SYT14: variants seen among roughly 807,000 people sequenced by gnomAD.
SYT14 encodes the protein synaptotagmin 14.
Under a neutral mutation model 74.2 loss-of-function variants are expected in SYT14, and 32 were observed. The ratio of observed to expected loss-of-function variants is 0.43; its 90% confidence interval spans 0.33 to 0.58. The LOEUF is 0.58. Ranked by LOEUF, SYT14 falls within the 20% of genes least tolerant of loss-of-function variation. The pLI, the probability that SYT14 is intolerant of heterozygous loss-of-function variation, is 0.05. For synonymous variants in SYT14, 298 were observed against 337.7 expected (o/e 0.88, Z 1.29); for missense variants, 791 against 981.8 (o/e 0.81, Z 2.60).
chr1:210,092,594 T>G (rs1558183652), intron 5 of SYT14, among the ~76,000 whole-genome samples: 1 of 152,230 alleles, frequency 6.6e-6, no homozygotes, highest in Non-Finnish European at 1.5e-5. Context: ...ACCACTTGTC[T>G]CTTTACTATT....
At chr1:210,093,606 G>A (rs2081916271) in intron 5 of SYT14, among the ~76,000 whole-genome samples, 3 of 152,208 alleles carry the variant, frequency 2.0e-5, no homozygotes, top group Admixed American at 2.0e-4. Context: ...GCTAGAGGTA[G>A]AGATGTCTAC....
At chr1:210,109,845 A>G (rs2082228833) in intron 7 of SYT14, among the ~76,000 whole-genome samples, 3 of 152,218 alleles carry the variant, frequency 2.0e-5, no homozygotes, top group Non-Finnish European at 4.4e-5. Context: ...ACTGTTCACA[A>G]TAGCAAAACT....
intron 5 of SYT14, among the ~76,000 whole-genome samples, chr1:210,089,111 T>C (rs1030841659): frequency 2.6e-5 from 4 of 152,154 alleles, no homozygotes; most frequent in South Asian, 2.1e-4. Flanking sequence ...TTCCCACTTA[T>C]GAGTGAGAAC....
At chr1:210,011,197 T>C (rs760900425) in intron 2 of SYT14, among the ~76,000 whole-genome samples, 3 of 152,192 alleles carry the variant, frequency 2.0e-5, no homozygotes, top group Admixed American at 6.5e-5. Context: ...GTGCTACTCT[T>C]TTTTGCCTCT....
exon 10 of SYT14, chr1:210,162,289 T>G (rs1391325694): frequency 2.3e-6 from 1 of 441,352 alleles, no homozygotes; most frequent in East Asian, 7.0e-5. Flanking sequence ...ATTTGCAAAA[T>G]TAAGCCTTCG....
At chr1:210,008,741 G>A (rs1332951392) in intron 2 of SYT14, among the ~76,000 whole-genome samples, 1 of 152,156 alleles carries the variant, frequency 6.6e-6, no homozygotes. Flanking sequence ...GGGTGGCCTA[G>A]AATGCTTGAA....
At chr1:210,163,860 A>G (rs1222662765) in exon 10 of SYT14, 1 of 453,690 alleles carries the variant, frequency 2.2e-6, no homozygotes, top group African/African-American at 2.0e-5. Context: ...TATCTCAGTA[A>G]TTATAGCAAA....
At chr1:210,158,899 T>A (rs1572395808) in intron 8 of SYT14, among the ~76,000 whole-genome samples, 2 of 152,160 alleles carry the variant, frequency 1.3e-5, no homozygotes, top group African/African-American at 4.8e-5. Context: ...TTGAACTATG[T>A]TATAGACTGA....
intron 5 of SYT14, among the ~76,000 whole-genome samples, chr1:210,024,495 A>T (rs1280306911): frequency 6.6e-6 from 1 of 152,208 alleles, no homozygotes; most frequent in African/African-American, 2.4e-5. Flanking sequence ...TGATGATGTC[A>T]TTAATATAAA....
At chr1:210,156,711 T>TTTTTG (rs2083275402) in intron 8 of SYT14, among the ~76,000 whole-genome samples, 3 of 93,514 alleles carry the variant, frequency 3.2e-5, no homozygotes, top group South Asian at 3.2e-4. Context: ...TTTTTTTTTT[T>TTTTTG]GGAGACAGTT....
intron 2 of SYT14, among the ~76,000 whole-genome samples, chr1:209,962,752 G>A (rs936856221): frequency 7.2e-5 from 11 of 152,080 alleles, no homozygotes; most frequent in Admixed American, 2.0e-4. Flanking sequence ...TTATATTATG[G>A]AGGTCATAGG....
intron 2 of SYT14, among the ~76,000 whole-genome samples, chr1:209,972,995 A>G (rs2079284708): frequency 6.6e-6 from 1 of 152,152 alleles, no homozygotes; most frequent in African/African-American, 2.4e-5. Context: ...TCATAGGTCT[A>G]GAAGAATTTG....
chr1:210,017,916 G>A (rs556084140), intron 4 of SYT14, among the ~76,000 whole-genome samples: 1 of 152,150 alleles, frequency 6.6e-6, no homozygotes, highest in South Asian at 2.1e-4. Context: ...TTTTCTCTAA[G>A]TTCATACTCT....
At chr1:209,957,835 T>C (rs1005064534) in intron 2 of SYT14, among the ~76,000 whole-genome samples, 3 of 152,190 alleles carry the variant, frequency 2.0e-5, no homozygotes, top group East Asian at 1.9e-4. Context: ...TCCATTTTTT[T>C]CAGATACTCA....
chr1:209,971,823 C>G (rs992294650), intron 2 of SYT14, among the ~76,000 whole-genome samples: 2 of 152,086 alleles, frequency 1.3e-5, no homozygotes, highest in African/African-American at 4.8e-5. Context: ...CTGTGTTCTT[C>G]AGGGATATTG....
chr1:209,971,206 A>G (rs1474890497), intron 2 of SYT14, among the ~76,000 whole-genome samples: 4 of 152,118 alleles, frequency 2.6e-5, no homozygotes, highest in Non-Finnish European at 5.9e-5. Flanking sequence ...GTGTATAGAA[A>G]TGCTGCCGAT....
chr1:210,112,924 G>T (rs12409047), intron 7 of SYT14, among the ~76,000 whole-genome samples: 6 of 151,292 alleles, frequency 4.0e-5, no homozygotes, highest in Admixed American at 2.0e-4. Flanking sequence ...GTGGTGGAAG[G>T]GGGCAGAAAG....
intron 5 of SYT14, among the ~76,000 whole-genome samples, chr1:210,021,849 TCTAA>T (rs752547251): frequency 1.3e-5 from 2 of 152,248 alleles, no homozygotes; most frequent in Admixed American, 6.5e-5. Flanking sequence ...ATTATTTGTC[TCTAA>T]CTGATTTTGT....
In SYT14 at chr1:210,161,438, T is replaced by C. The variant is rs1304862369; in HGVS notation, c.*396T>C. 5 of 454,902 alleles carry C rather than the reference T, an allele frequency of 1.1e-5. No homozygotes were observed. The Admixed American group carries it at 1.2e-4, about 11-fold the overall frequency. The allele number at this position is 454,902 out of a possible 1,614,324, so 28.2% of individuals were successfully genotyped here. A position where few individuals can be genotyped will look rare whatever the true frequency, so the allele number is the denominator to read the frequency against. On this transcript the variant is annotated 3_prime_UTR_variant, in exon 10 of 10. Transcript: ENST00000637265. The stretch of plus-strand genomic sequence containing the variant: ...TTAATATCACCCTACATATTATTTA[T>C]AAAACATAGTTTGACTGGCCAGTCC...
Sources: gnomAD v4.1 joint callset for allele counts (sites outside exome capture counted in the v4.1 genomes callset) on GRCh38, gnomAD v4.1.1 for gene constraint, MANE v1.5 for transcripts, NCBI Gene and HGNC (gene_info 2026-07-23, HGNC 2026-07-21) for gene names.